CA12: variants seen among roughly 807,000 people sequenced by gnomAD.
CA12 encodes the protein carbonate dehydratase XII.
In CA12, 36 loss-of-function variants were observed where a neutral mutation model predicts 46.8. That is an observed-to-expected ratio of 0.77 (90% CI 0.59 to 1.02). The LOEUF (loss-of-function observed/expected upper bound fraction) is 1.02, where lower values mean the gene tolerates loss of function less well. Ranked by LOEUF, CA12 falls within the 50% of genes least tolerant of loss-of-function variation. CA12 has a pLI of 0.00. For synonymous variants in CA12, 202 were observed against 187.0 expected (o/e 1.08, Z -0.65); for missense variants, 436 against 451.4 (o/e 0.97, Z 0.31).
In CA12 at chr15:63,345,485, C is replaced by T. The variant is rs1329647552; in HGVS notation, c.421G>A (p.Ala141Thr). Reference protein sequence around the residue: ...SEHTVSGQHFAAELHIVHYNS... With the variant: ...SEHTVSGQHFTAELHIVHYNS... ...CTGGCAGCCCTACTTACCTCGGCGGCGAAGTGCTGTCCGCTGACGGTGTGC... is the reference window on the plus strand; with the variant it reads ...CTGGCAGCCCTACTTACCTCGGCGGTGAAGTGCTGTCCGCTGACGGTGTGC... The change falls in exon 4 of 11, where the codon GCC becomes ACC. Residue 141 changes from alanine to threonine, a missense_variant. Transcript: ENST00000178638. The surrounding 1 kb of genome is among the most constrained non-coding windows in gnomAD (Gnocchi z 4.3). The T allele has an allele frequency of 5.0e-6, 8 of 1,607,954 alleles. No homozygotes were observed. The highest frequency in any genetic ancestry group is 2.7e-5 in the African/African-American group (2 of 75,054).
intron 1 of CA12, among the ~76,000 whole-genome samples, chr15:63,376,582 C>CTT: frequency 8.5e-6 from 1 of 118,292 alleles, no homozygotes; most frequent in Non-Finnish European, 1.8e-5. Context: ...TTCTTTCTTT[C>CTT]TTTCTTTCTT....
chr15:63,368,832 T>A (rs1381011617), intron 2 of CA12, among the ~76,000 whole-genome samples: 1 of 150,808 alleles, frequency 6.6e-6, no homozygotes, highest in East Asian at 1.9e-4. Flanking sequence ...GGGCGCTGCA[T>A]GAGGCTAGGC....
rs377708774 is a variant in CA12 at position 63,324,855 on chromosome 15, G to A, written c.*1430C>T. The stretch of plus-strand genomic sequence containing the variant: ...GTAGAAGGAAAAAGATATTTAAAAA[G>A]CTATGCTTCAAGAGGACATTTCATG... On this transcript the variant is annotated 3_prime_UTR_variant, in exon 11 of 11. Coordinates refer to ENST00000178638, the MANE Select transcript of CA12 (RefSeq NM_001218.5). 3.3e-5 allele frequency: 5 copies of A among 152,156 alleles called. No individual in the cohort carries two copies. Among genetic ancestry groups the A allele is most frequent in the East Asian group, 1.9e-4 (1 of 5,176 alleles). The allele number at this position is 152,156 out of a possible 1,614,324, so 9.4% of individuals were successfully genotyped here. A position where few individuals can be genotyped will look rare whatever the true frequency, so the allele number is the denominator to read the frequency against.
chr15:63,352,322 G>A (rs1226072972), intron 2 of CA12, among the ~76,000 whole-genome samples: 1 of 152,234 alleles, frequency 6.6e-6, no homozygotes, highest in Admixed American at 6.5e-5. Context: ...CTCCCAAAGT[G>A]CTGGGAATAC....
At chr15:63,344,466 G>C (rs2039120248) in intron 4 of CA12, among the ~76,000 whole-genome samples, 2 of 152,250 alleles carry the variant, frequency 1.3e-5, no homozygotes, top group Non-Finnish European at 2.9e-5. Context: ...GGGGGAAGCA[G>C]AAGTCTCAAC....
intron 2 of CA12, among the ~76,000 whole-genome samples, chr15:63,368,896 C>A (rs2039467863): frequency 6.6e-6 from 1 of 152,252 alleles, no homozygotes; most frequent in African/African-American, 2.4e-5. Flanking sequence ...CTCAGGCCTC[C>A]ACTCCTGAAC....
chr15:63,343,212 C>T (rs1047064443), intron 4 of CA12, among the ~76,000 whole-genome samples: 4 of 149,746 alleles, frequency 2.7e-5, no homozygotes, highest in Non-Finnish European at 4.4e-5. Flanking sequence ...TTATTGTGCT[C>T]AGAGGAAGTG....
At chr15:63,375,376 C>T (rs1389662846) in intron 2 of CA12, 5 of 358,334 alleles carry the variant, frequency 1.4e-5, no homozygotes, top group Non-Finnish European at 2.5e-5. Flanking sequence ...ACCTCCAAAT[C>T]TTGGAGGTTT....
Position 63,323,587 on chromosome 15 carries a change from C to A in CA12, c.*2698G>T, listed in dbSNP as rs1198976255. 2 of 152,298 alleles carry A rather than the reference C, an allele frequency of 1.3e-5. No homozygotes were observed. Among genetic ancestry groups the A allele is most frequent in the African/African-American group, 4.8e-5 (2 of 41,326 alleles). The allele number at this position is 152,298 out of a possible 1,614,324, so 9.4% of individuals were successfully genotyped here. A position where few individuals can be genotyped will look rare whatever the true frequency, so the allele number is the denominator to read the frequency against. Reference sequence around the variant, plus strand: ...TTACAGTGTGTATCTTCATTATAATCATTCTTACAATAAATACAGAAGTGC... The same window carrying A: ...TTACAGTGTGTATCTTCATTATAATAATTCTTACAATAAATACAGAAGTGC... On this transcript the variant is annotated 3_prime_UTR_variant, in exon 11 of 11. Transcript: ENST00000178638. The surrounding 1 kb of genome is among the most constrained non-coding windows in gnomAD (Gnocchi z 5.1).
At chr15:63,371,142 G>A (rs2039500150) in intron 2 of CA12, among the ~76,000 whole-genome samples, 1 of 152,234 alleles carries the variant, frequency 6.6e-6, no homozygotes, top group Non-Finnish European at 1.5e-5. Context: ...AAGAGGCTGA[G>A]AGGGTGTCTG....
Position 63,355,074 on chromosome 15 carries a change from C to G in CA12, c.107-8365G>C, listed in dbSNP as rs1213386774. Among the ~76,000 whole-genome samples, 2 of 151,942 alleles carry G rather than the reference C, an allele frequency of 1.3e-5. No homozygotes were observed. Among genetic ancestry groups the G allele is most frequent in the African/African-American group, 2.4e-5 (1 of 41,424 alleles). On this transcript the variant is annotated intron_variant, in intron 2 of 10. Coordinates refer to ENST00000178638, the MANE Select transcript of CA12 (RefSeq NM_001218.5). The surrounding 1 kb of genome is among the most constrained non-coding windows in gnomAD (Gnocchi z 4.1). The stretch of plus-strand genomic sequence containing the variant: ...CTTTTGCTTCTCCATTTCTAACCTC[C>G]TCTTAGGTTCTCATGACCTGTGACC...
intron 2 of CA12, 83 bp from the exon 3 acceptor site, chr15:63,346,792 T>C: frequency 6.9e-7 from 1 of 1,450,812 alleles, no homozygotes; most frequent in Non-Finnish European, 9.6e-7. Context: ...TTCAATACAA[T>C]TACTCCTTTT....
intron 1 of CA12, among the ~76,000 whole-genome samples, chr15:63,380,593 T>C (rs927563527): frequency 1.3e-5 from 2 of 152,204 alleles, no homozygotes; most frequent in Non-Finnish European, 2.9e-5. Context: ...CTTCTGTTTC[T>C]CCCTGACCAG....
At position 63,335,035 on chromosome 15, in the gene CA12, C is replaced by T. The variant is rs76778075; in HGVS notation, c.874+3784G>A. 5.5e-3 allele frequency among the ~76,000 whole-genome samples: 842 copies of T among 152,266 alleles called. 2 individuals carry two copies. Among genetic ancestry groups the T allele is most frequent in the Non-Finnish European group, 8.8e-3 (599 of 68,024 alleles). ...TCAGTGAAAACAATGAGTTCTGGGCCGCAGAAACCCTGGGGCAGTGGTTTT... is the reference window on the plus strand; with the variant it reads ...TCAGTGAAAACAATGAGTTCTGGGCTGCAGAAACCCTGGGGCAGTGGTTTT... On this transcript the variant is annotated intron_variant, in intron 8 of 10. Coordinates refer to ENST00000178638, the MANE Select transcript of CA12 (RefSeq NM_001218.5).
intron 1 of CA12, among the ~76,000 whole-genome samples, chr15:63,379,879 G>A (rs2039622914): frequency 6.6e-6 from 1 of 152,128 alleles, no homozygotes; most frequent in Non-Finnish European, 1.5e-5. Context: ...GAATTCCAAG[G>A]GTTTCTCCAG....
chr15:63,360,951 G>A (rs992981316), intron 2 of CA12, among the ~76,000 whole-genome samples: 1 of 152,204 alleles, frequency 6.6e-6, no homozygotes, highest in African/African-American at 2.4e-5. Flanking sequence ...CTGGAGGGGA[G>A]AATAAGCGAA....
chr15:63,348,658 C>T lies in CA12; in HGVS notation c.107-1949G>A, dbSNP rs1221887466. On this transcript the variant is annotated intron_variant, in intron 2 of 10. Transcript: ENST00000178638. This position sits in a 1 kb window ranked among gnomAD's most constrained non-coding sequence, Gnocchi z 4.6. ...ATCATTGAGAAGCTTTCTCTTTGCA[C>T]ACATGACTAAAGGGAACTGGATTAG... Among the ~76,000 whole-genome samples the T allele has an allele frequency of 6.6e-6, 1 of 152,246 alleles. No individual in the cohort carries two copies. Among genetic ancestry groups the T allele is most frequent in the African/African-American group, 2.4e-5 (1 of 41,464 alleles).
intron 4 of CA12, among the ~76,000 whole-genome samples, chr15:63,342,933 G>A (rs143548153): frequency 1.3e-5 from 2 of 151,698 alleles, no homozygotes; most frequent in East Asian, 1.9e-4. Flanking sequence ...TTCCCATTTC[G>A]AACTTTAAGT....
intron 2 of CA12, among the ~76,000 whole-genome samples, chr15:63,371,552 G>T (rs71394517): frequency 1.4e-4 from 21 of 152,234 alleles, no homozygotes; most frequent in African/African-American, 4.8e-4. Flanking sequence ...CTGGCCTCGC[G>T]GGTGCCCTGT....
Sources: allele counts gnomAD v4.1 joint callset (sites outside exome capture counted in the v4.1 genomes callset), GRCh38; gene constraint gnomAD v4.1.1; non-coding constraint Gnocchi (gnomAD v3.1); transcripts MANE v1.5; gene names NCBI Gene and HGNC (gene_info 2026-07-23, HGNC 2026-07-21).